Variants in PIK3CB observed in about 807,000 individuals in gnomAD.
PIK3CB encodes the protein phosphatidylinositol 4,5-bisphosphate 3-kinase catalytic subunit beta isoform.
Under a neutral mutation model 136.8 loss-of-function variants are expected in PIK3CB, and 39 were observed. The ratio of observed to expected loss-of-function variants is 0.29; its 90% CI spans 0.22 to 0.37. The LOEUF (loss-of-function observed/expected upper bound fraction) is 0.37. PIK3CB is among the 10% of genes least tolerant of loss of function. The pLI, the probability that PIK3CB is intolerant of heterozygous loss-of-function variation, is 1.00. For missense variants in PIK3CB, 868 were observed against 1,275.4 expected, an observed-to-expected ratio of 0.68 and a Z score of 4.87; for synonymous variants, 428 against 436.6, an observed-to-expected ratio of 0.98 and a Z score of 0.25.
rs1008249892 is a variant in PIK3CB, at chr3:138,826,635, G to GA, written c.-122+8059dup. Among the ~76,000 whole-genome samples, 531 of 124,900 alleles carry GA rather than the reference G, an allele frequency of 4.3e-3. 6 individuals are homozygous for GA. The highest frequency in any genetic ancestry group is 0.011 in the African/African-American group (386 of 33,736). The allele number at this position is 124,900 out of a possible 152,430, so 81.9% of individuals were successfully genotyped here. ...GACCCATCAAAACAAAGTTTAATGA[G>GA]AAAAAAAAAAAAGATATGGTAACTC... On this transcript the variant is annotated intron_variant, in intron 1 of 23. Transcript: ENST00000674063.
At chr3:138,764,711 G>C (rs1404898112) in intron 2 of PIK3CB, among the ~76,000 whole-genome samples, 5 of 152,128 alleles carry the variant, frequency 3.3e-5, no homozygotes, top group Non-Finnish European at 7.3e-5. Flanking sequence ...ACAGGTACTT[G>C]CCAGCATATC....
intron 10 of PIK3CB, among the ~76,000 whole-genome samples, chr3:138,709,333 A>T (rs2044446476): frequency 6.8e-6 from 1 of 148,084 alleles, no homozygotes; most frequent in South Asian, 2.2e-4. Context: ...GGGGGGAAAA[A>T]CAGTTCTCTA....
intron 19 of PIK3CB, among the ~76,000 whole-genome samples, chr3:138,668,251 C>T (rs929968296): frequency 6.6e-6 from 1 of 152,112 alleles, no homozygotes; most frequent in Non-Finnish European, 1.5e-5. Context: ...GGTTAAAGTG[C>T]ACTTTCTCAC....
At chr3:138,819,235 T>C (rs1170983478) in intron 1 of PIK3CB, among the ~76,000 whole-genome samples, 2 of 151,994 alleles carry the variant, frequency 1.3e-5, no homozygotes, top group African/African-American at 4.8e-5. Flanking sequence ...TAGTCCCAGC[T>C]ACTCAGGAGG....
intron 6 of PIK3CB, among the ~76,000 whole-genome samples, chr3:138,737,374 G>A (rs1188861227): frequency 3.6e-5 from 4 of 112,508 alleles, no homozygotes; most frequent in African/African-American, 1.1e-4. Context: ...CAGCCTAGGC[G>A]ACAGAGCAAC....
rs139679590 is a variant in PIK3CB, at chr3:138,781,345, G to A, written c.-17+15118C>T. On this transcript the variant is annotated intron_variant, in intron 2 of 23. Coordinates refer to ENST00000674063, the MANE Select transcript of PIK3CB (RefSeq NM_006219.3). ...AATGAAACTTCTGGCTAGGCATGGT[G>A]GCTCATAGCTGTAATCTTAGCACTT... 4.9e-4 allele frequency among the ~76,000 whole-genome samples: 74 copies of A among 151,982 alleles called. 1 individual carries two copies. Among genetic ancestry groups the A allele is most frequent in the African/African-American group, 1.7e-3 (71 of 41,474 alleles).
chr3:138,823,575 T>C (rs993256682), intron 1 of PIK3CB, among the ~76,000 whole-genome samples: 1 of 152,030 alleles, frequency 6.6e-6, no homozygotes, highest in South Asian at 2.1e-4. Context: ...TGGTGGCGCA[T>C]GCCTGTAATG....
At position 138,691,107 on chromosome 3, in the gene PIK3CB, C is replaced by T. The variant is rs749432869; in HGVS notation, c.1929G>A (p.Val643=). ...GAAAAGGCTCATATTTTAACACTTG[C>T]ACCAGTTGTAAAAGATATTGAGAAA... ...EELSQYLLQL[V]QVLKYEPFLD... Residue 643 remains valine, a synonymous_variant, in exon 15 of 24, where the codon GTG becomes GTA. Coordinates refer to ENST00000674063, the MANE Select transcript of PIK3CB (RefSeq NM_006219.3). 47 of 1,612,884 alleles carry T rather than the reference C, an allele frequency of 2.9e-5. No individual in the cohort carries two copies. The highest frequency in any genetic ancestry group is 5.3e-5 in the African/African-American group (4 of 74,888).
chr3:138,672,082 A>G (rs953714835), intron 19 of PIK3CB, among the ~76,000 whole-genome samples: 4 of 152,060 alleles, frequency 2.6e-5, no homozygotes, highest in African/African-American at 9.7e-5. Context: ...GAAAAAGGAG[A>G]AAAAAAGTGG....
intron 1 of PIK3CB, among the ~76,000 whole-genome samples, chr3:138,830,520 T>C (rs1190042163): frequency 6.6e-6 from 1 of 151,556 alleles, no homozygotes; most frequent in African/African-American, 2.4e-5. Flanking sequence ...GCCACCGCAC[T>C]CCAGCCTGAA....
At chr3:138,793,553 C>T (rs2046076566) in intron 2 of PIK3CB, among the ~76,000 whole-genome samples, 2 of 151,686 alleles carry the variant, frequency 1.3e-5, no homozygotes, top group Admixed American at 6.6e-5. Context: ...TTGCAATGAG[C>T]CAAGATCACA....
chr3:138,823,840 T>C (rs1933667526), intron 1 of PIK3CB, among the ~76,000 whole-genome samples: 1 of 152,194 alleles, frequency 6.6e-6, no homozygotes, highest in South Asian at 2.1e-4. Context: ...CAAGAGCTCA[T>C]TCATTTAAGC....
At chr3:138,764,053 G>A (rs2045697301) in intron 2 of PIK3CB, among the ~76,000 whole-genome samples, 1 of 151,282 alleles carries the variant, frequency 6.6e-6, no homozygotes, top group African/African-American at 2.4e-5. Context: ...GGAGGTTGCA[G>A]TGAGCCGAGA....
intron 1 of PIK3CB, among the ~76,000 whole-genome samples, chr3:138,824,216 G>T (rs1315254220): frequency 6.6e-6 from 1 of 152,148 alleles, no homozygotes; most frequent in Non-Finnish European, 1.5e-5. Flanking sequence ...TCCCCCTGCA[G>T]GCATGGATAA....
At chr3:138,824,364 C>T (rs530136397) in intron 1 of PIK3CB, among the ~76,000 whole-genome samples, 28 of 152,242 alleles carry the variant, frequency 1.8e-4, no homozygotes, top group Non-Finnish European at 1.2e-4. Context: ...AGCTGCAGAC[C>T]TATCTCTAGC....
intron 1 of PIK3CB, chr3:138,825,782 T>C: frequency 1.2e-6 from 1 of 840,024 alleles, no homozygotes; most frequent in Non-Finnish European, 2.0e-6. Flanking sequence ...GTGGTCACCT[T>C]TGCTCCAGTC....
chr3:138,787,659 A>G (rs1290304834), intron 2 of PIK3CB, among the ~76,000 whole-genome samples: 1 of 152,040 alleles, frequency 6.6e-6, no homozygotes, highest in East Asian at 1.9e-4. Context: ...CAGTAAACAC[A>G]AAAGTGAAAA....
At chr3:138,678,372 A>T (rs1420010981) in intron 19 of PIK3CB, among the ~76,000 whole-genome samples, 4 of 152,128 alleles carry the variant, frequency 2.6e-5, no homozygotes, top group South Asian at 2.1e-4. Context: ...TCTAAAAAAA[A>T]TTTTTTTAAT....
intron 1 of PIK3CB, among the ~76,000 whole-genome samples, chr3:138,802,139 C>T (rs1160784806): frequency 6.6e-6 from 1 of 150,792 alleles, no homozygotes; most frequent in African/African-American, 2.4e-5. Flanking sequence ...TTTGGGAGGT[C>T]GAGGCAGGTG....
Sources: allele counts gnomAD v4.1 joint callset (sites outside exome capture counted in the v4.1 genomes callset), GRCh38; gene constraint gnomAD v4.1.1; transcripts MANE v1.5; gene names NCBI Gene and HGNC (gene_info 2026-07-23, HGNC 2026-07-21).